The following CADM4 variants were observed in gnomAD, a reference collection of about 807,000 sequenced individuals.
CADM4 encodes the protein TSLC1-like 2.
In CADM4, 13 loss-of-function variants were observed where a neutral mutation model predicts 43.9. That is an observed-to-expected ratio of 0.30 (90% CI 0.19 to 0.47). The LOEUF is 0.47. Among genes scored for constraint, CADM4 ranks in the 20% least tolerant of loss-of-function variants. The pLI, the probability that CADM4 is intolerant of heterozygous loss-of-function variation, is 1.00. For synonymous variants in CADM4, 209 were observed against 220.9 expected (o/e 0.95, Z 0.48); for missense variants, 420 against 527.0 (o/e 0.80, Z 1.99).
intron 7 of CADM4, among the ~76,000 whole-genome samples, chr19:43,624,550 C>T (rs1052824070): frequency 1.3e-5 from 2 of 152,214 alleles, no homozygotes; most frequent in Non-Finnish European, 2.9e-5. Context: ...AGCGATCCTC[C>T]GGCCTAGGCC....
upstream of CADM4, among the ~76,000 whole-genome samples, chr19:43,641,512 C>T (rs535553594): frequency 6.6e-6 from 1 of 152,112 alleles, no homozygotes; most frequent in Non-Finnish European, 1.5e-5. Context: ...CCTCTCTGTC[C>T]TTCAGGTCCA....
At chr19:43,624,571 C>T (rs534228984) in intron 7 of CADM4, among the ~76,000 whole-genome samples, 9 of 152,362 alleles carry the variant, frequency 5.9e-5, no homozygotes, top group Non-Finnish European at 1.2e-4. Context: ...TCCCAAAGTA[C>T]TGGGATTAGA....
chr19:43,632,518 A>G (rs1263492428), intron 1 of CADM4, among the ~76,000 whole-genome samples: 1 of 152,154 alleles, frequency 6.6e-6, no homozygotes, highest in Admixed American at 6.6e-5. Context: ...GGGGACTTCA[A>G]GGTGCTATAT....
intron 1 of CADM4, among the ~76,000 whole-genome samples, chr19:43,630,690 T>G (rs1290986736): frequency 2.6e-5 from 4 of 152,124 alleles, no homozygotes; most frequent in African/African-American, 9.7e-5. Context: ...AAATCTCTGA[T>G]TCTGTATCCT....
chr19:43,637,870 C>T (rs1190410466), intron 1 of CADM4, among the ~76,000 whole-genome samples: 3 of 152,112 alleles, frequency 2.0e-5, no homozygotes, highest in African/African-American at 7.2e-5. Flanking sequence ...GGTTCTAGAA[C>T]TTTAAAGGTG....
At position 43,635,446 on chromosome 19, in the gene CADM4, C is replaced by G. The variant is rs541531399; in HGVS notation, c.64+4281G>C. 5.9e-5 allele frequency among the ~76,000 whole-genome samples: 9 copies of G among 151,466 alleles called. No individual in the cohort carries two copies. The East Asian group carries it at 1.6e-3, about 26-fold the overall frequency. The stretch of plus-strand genomic sequence containing the variant: ...GGCGTCAGGGTCTCAGCCCCTCCTC[C>G]CTCAGAAACCTGCAGTGGAATCCCC... On this transcript the variant is annotated intron_variant, in intron 1 of 8. Coordinates refer to ENST00000222374, the MANE Select transcript of CADM4 (RefSeq NM_145296.2).
rs768266822 is a variant in CADM4 at position 43,623,281 on chromosome 19, G to T, written c.*49C>A. 10 of 1,401,000 alleles carry T rather than the reference G, an allele frequency of 7.1e-6. No homozygotes were observed. The Admixed American group carries it at 1.7e-4, about 24-fold the overall frequency. The allele number at this position is 1,401,000 out of a possible 1,614,324, so 86.8% of individuals were successfully genotyped here. On this transcript the variant is annotated 3_prime_UTR_variant, in exon 9 of 9. Transcript: ENST00000222374. This position sits in a 1 kb window ranked among gnomAD's most constrained non-coding sequence, Gnocchi z 4.4. The stretch of plus-strand genomic sequence containing the variant: ...TGCTGGTTCCTTGCAGCTGGCAGTG[G>T]GGGGGACCCCAGCCCAGGCCCAGGC...
rs995051338 is a variant in CADM4 at position 43,627,515 on chromosome 19, G to C, written c.211+129C>G. 1.6e-5 allele frequency: 20 copies of C among 1,252,764 alleles called. No homozygotes were observed. The highest frequency in any genetic ancestry group is 2.2e-5 in the Non-Finnish European group (20 of 919,670). 77.6% of individuals were successfully genotyped at this position (1,252,764 alleles called of 1,614,324 possible). ...CCTGCCTGCAGGACCAGCAGTCCGG[G>C]ACCCCAGCCCTTTCTTCTCCGAGAC... is the stretch of plus-strand genomic sequence containing the variant. On this transcript the variant is annotated intron_variant, in intron 2 of 8. Transcript: ENST00000222374. This position sits in a 1 kb window ranked among gnomAD's most constrained non-coding sequence, Gnocchi z 4.0.
chr19:43,628,752 G>C (rs1242599112), intron 1 of CADM4, among the ~76,000 whole-genome samples: 4 of 152,202 alleles, frequency 2.6e-5, no homozygotes, highest in African/African-American at 9.7e-5. Flanking sequence ...TAAGACTGTT[G>C]CATGAAGATA....
chr19:43,639,566 C>CGCTCCCG (rs1488415991), intron 1 of CADM4, among the ~76,000 whole-genome samples, 161 bp downstream of exon 1: 2 of 150,120 alleles, frequency 1.3e-5, no homozygotes. Context: ...CCCCGCTCGT[C>CGCTCCCG]GCTCCCGGCT....
rs183753789 is a variant in CADM4 at position 43,635,298 on chromosome 19, T to A, written c.64+4429A>T. Among the ~76,000 whole-genome samples, 7 of 151,950 alleles carry A rather than the reference T, an allele frequency of 4.6e-5. No homozygotes were observed. The East Asian group carries it at 1.2e-3, about 25-fold the overall frequency. On this transcript the variant is annotated intron_variant, in intron 1 of 8. Coordinates refer to ENST00000222374, the MANE Select transcript of CADM4 (RefSeq NM_145296.2). Reference sequence around the variant, plus strand: ...CTTCCTCCCTTAGGGAGGTGGTACATCCCTGCGTCCTGACTGAACCCCCCT... The same window carrying A: ...CTTCCTCCCTTAGGGAGGTGGTACAACCCTGCGTCCTGACTGAACCCCCCT...
chr19:43,628,434 CAA>C (rs35900635), intron 1 of CADM4, among the ~76,000 whole-genome samples: 1 of 134,556 alleles, frequency 7.4e-6, no homozygotes, highest in Non-Finnish European at 1.6e-5. Context: ...GACTCTGTCT[CAA>C]AAAAAAAAAG....
rs1309462983 is a variant in CADM4 at position 43,623,863 on chromosome 19, C to A, written c.1057+251G>T. Among the ~76,000 whole-genome samples the A allele has an allele frequency of 3.9e-5, 6 of 152,184 alleles. No homozygotes were observed. The highest frequency in any genetic ancestry group is 7.4e-5 in the Non-Finnish European group (5 of 68,018). ...TGCTTTATCCGCCTTGGCCTCCCAA[C>A]GTGCTGGGATTACAGGCGTGAGCCA... On this transcript the variant is annotated intron_variant, in intron 8 of 8. Transcript: ENST00000222374. This position sits in a 1 kb window ranked among gnomAD's most constrained non-coding sequence, Gnocchi z 4.4.
chr19:43,636,434 G>A (rs1210938990), intron 1 of CADM4, among the ~76,000 whole-genome samples: 1 of 152,110 alleles, frequency 6.6e-6, no homozygotes, highest in Admixed American at 6.5e-5. Context: ...CCTCTTCCCA[G>A]AAGAGCCCAG....
chr19:43,623,014 T>C lies in CADM4; in HGVS notation c.*316A>G, dbSNP rs1455308240. 7.2e-6 allele frequency: 1 copy of C among 139,846 alleles called. No individual in the cohort carries two copies. The highest frequency in any genetic ancestry group is 2.8e-5 in the African/African-American group (1 of 36,154). The allele number at this position is 139,846 out of a possible 1,614,324, so 8.7% of individuals were successfully genotyped here. A position where few individuals can be genotyped will look rare whatever the true frequency, so the allele number is the denominator to read the frequency against. ...GACCCCCTCCCCACAAGACCTGGTTTTGTAGCCTAGGGGCCCTGGCCTTCC... is the reference window on the plus strand; with the variant it reads ...GACCCCCTCCCCACAAGACCTGGTTCTGTAGCCTAGGGGCCCTGGCCTTCC... On this transcript the variant is annotated 3_prime_UTR_variant, in exon 9 of 9. Coordinates refer to ENST00000222374, the MANE Select transcript of CADM4 (RefSeq NM_145296.2). The surrounding 1 kb of genome is among the most constrained non-coding windows in gnomAD (Gnocchi z 4.4).
chr19:43,627,186 A>G lies in CADM4; in HGVS notation c.344T>C (p.Ile115Thr). 1.2e-6 allele frequency: 2 copies of G among 1,602,836 alleles called. No homozygotes were observed. Among genetic ancestry groups the G allele is most frequent in the Non-Finnish European group, 1.7e-6 (2 of 1,173,422 alleles). ...QLYTEDTHHQIATLTVLVAPE... is the reference protein window; with the variant it reads ...QLYTEDTHHQTATLTVLVAPE... ...GTTACCTAGTACCGTGAGCGTGGCA[A>G]TCTGGTGGTGGGTGTCTTCTGTGTA... The change falls in exon 3 of 9, where the codon ATT becomes ACT. Residue 115 changes from isoleucine to threonine, a missense_variant. Ile to Thr is a moderately conservative substitution (Grantham distance 89, BLOSUM62 -1). Coordinates refer to ENST00000222374, the MANE Select transcript of CADM4 (RefSeq NM_145296.2). The surrounding 1 kb of genome is among the most constrained non-coding windows in gnomAD (Gnocchi z 4.0).
At chr19:43,629,529 T>A (rs1295555300) in intron 1 of CADM4, among the ~76,000 whole-genome samples, 2 of 152,200 alleles carry the variant, frequency 1.3e-5, no homozygotes, top group African/African-American at 4.8e-5. Context: ...TATTAGGTAC[T>A]TGCAGTGTTA....
At position 43,625,016 on chromosome 19, in the gene CADM4, A is replaced by AG; in HGVS notation, c.928+61dup. 2.1e-6 allele frequency: 3 copies of AG among 1,439,196 alleles called. No homozygotes were observed. The highest frequency in any genetic ancestry group is 2.6e-5 in the East Asian group (1 of 39,018). 89.2% of individuals were successfully genotyped at this position (1,439,196 alleles called of 1,614,324 possible). A position where few individuals can be genotyped will look rare whatever the true frequency, so the allele number is the denominator to read the frequency against. ...CTGAGTTATGTGGCCTCTTTGCTCA[A>AG]GCCCCGCCCCCGCCACCTGGCGCCC... On this transcript the variant is annotated intron_variant, in intron 7 of 8. Coordinates refer to ENST00000222374, the MANE Select transcript of CADM4 (RefSeq NM_145296.2). The surrounding 1 kb of genome is among the most constrained non-coding windows in gnomAD (Gnocchi z 4.5).
In CADM4 at chr19:43,625,330, G is replaced by A; in HGVS notation, c.756-80C>T. On this transcript the variant is annotated intron_variant, in intron 6 of 8. Transcript: ENST00000222374. This position sits in a 1 kb window ranked among gnomAD's most constrained non-coding sequence, Gnocchi z 4.5. ...TCTGACTTGTCAAGAATCTAGACAT[G>A]CAACTCTCATCCCGCAGGGACCTCC... 1 of 1,410,462 alleles carries A rather than the reference G, an allele frequency of 7.1e-7. No individual in the cohort carries two copies. The highest frequency in any genetic ancestry group is 9.6e-7 in the Non-Finnish European group (1 of 1,037,760). The allele number at this position is 1,410,462 out of a possible 1,614,324, so 87.4% of individuals were successfully genotyped here.
Sources: allele counts gnomAD v4.1 joint callset (sites outside exome capture counted in the v4.1 genomes callset), GRCh38; gene constraint gnomAD v4.1.1; non-coding constraint Gnocchi (gnomAD v3.1); transcripts MANE v1.5; gene names NCBI Gene and HGNC (gene_info 2026-07-23, HGNC 2026-07-21).